ELMO1: variants seen among roughly 807,000 people sequenced by gnomAD.
The protein encoded by ELMO1 is engulfment and cell motility 1, also known as engulfment and cell motility protein 1.
Under a neutral mutation model 98.9 loss-of-function variants are expected in ELMO1, and 26 were observed. The ratio of observed to expected loss-of-function variants is 0.26; its 90% CI spans 0.19 to 0.36. The LOEUF (loss-of-function observed/expected upper bound fraction) is 0.36. Among genes scored for constraint, ELMO1 ranks in the 10% least tolerant of loss-of-function variants. The probability of loss-of-function intolerance (pLI) is 1.00; values close to 1 mark genes in which losing one functional copy is unlikely to be tolerated. For missense variants in ELMO1, 627 were observed against 935.2 expected, an observed-to-expected ratio of 0.67 and a Z score of 4.30; for synonymous variants, 346 against 346.0, an observed-to-expected ratio of 1.00 and a Z score of 0.00.
intron 16 of ELMO1, among the ~76,000 whole-genome samples, chr7:36,905,119 A>G (rs771804018): frequency 6.6e-6 from 1 of 152,234 alleles, no homozygotes; most frequent in Non-Finnish European, 1.5e-5. Flanking sequence ...GCAGAAAGAA[A>G]TAGAGTTTCT....
chr7:37,316,954 G>GCGT (rs1255309686), intron 2 of ELMO1, among the ~76,000 whole-genome samples: 1 of 152,046 alleles, frequency 6.6e-6, no homozygotes, highest in Non-Finnish European at 1.5e-5. Context: ...CTTGTTTGCA[G>GCGT]CGTAAGTAAC....
In ELMO1 at chr7:36,855,301, G is replaced by A. The variant is rs1802115198; in HGVS notation, c.*250C>T. Reference sequence around the variant, plus strand: ...CTTACTGGCAGTGGGCTTTGCTCTTGTCCCACCAGTGGACTGCAGCCATGG... The same window carrying A: ...CTTACTGGCAGTGGGCTTTGCTCTTATCCCACCAGTGGACTGCAGCCATGG... On this transcript the variant is annotated 3_prime_UTR_variant, in exon 22 of 22. Transcript: ENST00000310758. This position sits in a 1 kb window ranked among gnomAD's most constrained non-coding sequence, Gnocchi z 4.2. 7.6e-6 allele frequency: 4 copies of A among 527,790 alleles called. No homozygotes were observed. In the South Asian group the frequency reaches 8.2e-5, roughly 11 times the overall value. 32.7% of individuals were successfully genotyped at this position (527,790 alleles called of 1,614,324 possible).
At chr7:37,190,526 C>A (rs552003034) in intron 13 of ELMO1, among the ~76,000 whole-genome samples, 2 of 152,160 alleles carry the variant, frequency 1.3e-5, no homozygotes, top group African/African-American at 4.8e-5. Flanking sequence ...GAGACAAAGT[C>A]TCACTCTGTC....
intron 15 of ELMO1, among the ~76,000 whole-genome samples, chr7:37,079,109 A>G (rs1396117383): frequency 6.6e-6 from 1 of 152,216 alleles, no homozygotes; most frequent in Non-Finnish European, 1.5e-5. Flanking sequence ...AGATGTGTGT[A>G]AAGACAGAGA....
chr7:37,256,955 T>C (rs1795697529), intron 6 of ELMO1, among the ~76,000 whole-genome samples: 1 of 152,206 alleles, frequency 6.6e-6, no homozygotes, highest in East Asian at 1.9e-4. Context: ...TAAATGCCTA[T>C]CCTGACACTG....
chr7:36,909,991 T>A (rs75420318), intron 16 of ELMO1, among the ~76,000 whole-genome samples: 2 of 152,150 alleles, frequency 1.3e-5, no homozygotes, highest in African/African-American at 4.8e-5. Flanking sequence ...CAATACTCCA[T>A]TGCCCCTTCT....
intron 13 of ELMO1, among the ~76,000 whole-genome samples, chr7:37,188,497 A>AT (rs1178587157): frequency 0.057 from 5,788 of 101,676 alleles, 351 homozygotes; most frequent in South Asian, 0.13. Flanking sequence ...TAAAAAAAAA[A>AT]AAAAAATAAT....
intron 8 of ELMO1, 88 bp downstream of exon 8, chr7:37,233,007 A>T (rs112313288): frequency 4.3e-6 from 5 of 1,167,004 alleles, no homozygotes; most frequent in African/African-American, 3.1e-5. Context: ...ACTAAAGGAA[A>T]GACAATTATG....
At chr7:37,135,573 T>C (rs1787214887) in intron 13 of ELMO1, among the ~76,000 whole-genome samples, 1 of 152,140 alleles carries the variant, frequency 6.6e-6, no homozygotes, top group Non-Finnish European at 1.5e-5. Flanking sequence ...CACTTGCCAG[T>C]ACCAGCATGG....
At chr7:36,958,521 G>A (rs1338947003) in intron 16 of ELMO1, among the ~76,000 whole-genome samples, 1 of 152,082 alleles carries the variant, frequency 6.6e-6, no homozygotes, top group Non-Finnish European at 1.5e-5. Flanking sequence ...GAAACTAAAA[G>A]CAATCATAAG....
At chr7:36,999,518 G>A (rs1487038484) in intron 16 of ELMO1, among the ~76,000 whole-genome samples, 1 of 152,170 alleles carries the variant, frequency 6.6e-6, no homozygotes, top group Non-Finnish European at 1.5e-5. Context: ...CTTGGGTCCA[G>A]GGCCAATGCT....
chr7:37,348,277 TTA>T (rs1197854552), intron 1 of ELMO1, among the ~76,000 whole-genome samples: 1 of 152,130 alleles, frequency 6.6e-6, no homozygotes, highest in Non-Finnish European at 1.5e-5. Flanking sequence ...ACAATAATTC[TTA>T]TACAAACTAA....
chr7:36,857,982 A>G (rs1802335181), intron 21 of ELMO1, among the ~76,000 whole-genome samples: 1 of 152,220 alleles, frequency 6.6e-6, no homozygotes, highest in South Asian at 2.1e-4. Flanking sequence ...TACTTGTTCC[A>G]GACAGGATAA....
chr7:37,296,264 T>C (rs1460845679), intron 4 of ELMO1, among the ~76,000 whole-genome samples: 1 of 152,174 alleles, frequency 6.6e-6, no homozygotes, highest in Non-Finnish European at 1.5e-5. Flanking sequence ...CCAAGATCCC[T>C]CTTCCCTCTA....
chr7:37,178,714 C>T (rs1790654944), intron 13 of ELMO1, among the ~76,000 whole-genome samples: 1 of 152,192 alleles, frequency 6.6e-6, no homozygotes, highest in African/African-American at 2.4e-5. Flanking sequence ...CGTACCTCCT[C>T]ATACGAGGTG....
intron 6 of ELMO1, among the ~76,000 whole-genome samples, chr7:37,252,393 A>G (rs1435351938): frequency 6.6e-6 from 1 of 152,216 alleles, no homozygotes; most frequent in Non-Finnish European, 1.5e-5. Context: ...TATATAGACC[A>G]ATGGAACAGA....
chr7:37,228,465 C>T (rs1793986891), intron 8 of ELMO1, among the ~76,000 whole-genome samples: 1 of 152,198 alleles, frequency 6.6e-6, no homozygotes, highest in Non-Finnish European at 1.5e-5. Flanking sequence ...AGCCACAGTA[C>T]AGCTTCTCGA....
chr7:37,172,864 T>C (rs999978286), intron 13 of ELMO1, among the ~76,000 whole-genome samples: 8 of 152,228 alleles, frequency 5.3e-5, no homozygotes, highest in African/African-American at 1.7e-4. Context: ...TTCCATTGAC[T>C]ATTTTCATTG....
intron 15 of ELMO1, among the ~76,000 whole-genome samples, chr7:37,035,598 T>C (rs1409564961): frequency 6.6e-6 from 1 of 152,210 alleles, no homozygotes; most frequent in African/African-American, 2.4e-5. Flanking sequence ...ACCTCAATAT[T>C]TGGTACATAT....
Sources: gnomAD v4.1 joint callset for allele counts (sites outside exome capture counted in the v4.1 genomes callset) on GRCh38, gnomAD v4.1.1 for gene constraint, Gnocchi (gnomAD v3.1) non-coding constraint, MANE v1.5 for transcripts, NCBI Gene and HGNC (gene_info 2026-07-23, HGNC 2026-07-21) for gene names.